AASS: variants seen among roughly 807,000 people sequenced by gnomAD.
AASS encodes the protein alpha-aminoadipic semialdehyde synthase, mitochondrial.
In AASS, 86 loss-of-function variants were observed where a neutral mutation model predicts 105.4. That is an observed-to-expected ratio of 0.82 (90% CI 0.69 to 0.98). The LOEUF (loss-of-function observed/expected upper bound fraction) is 0.98, where lower values mean the gene tolerates loss of function less well. Among genes scored for constraint, AASS ranks in the 50% least tolerant of loss-of-function variants. The pLI is 0.00. For synonymous variants in AASS, 381 were observed against 394.8 expected (o/e 0.96, Z 0.41); for missense variants, 1,048 against 1,143.2 (o/e 0.92, Z 1.20).
In AASS at chr7:122,118,579, T is replaced by C. The variant is rs1209059524; in HGVS notation, c.524A>G (p.His175Arg). 2 of 1,614,152 alleles carry C rather than the reference T, an allele frequency of 1.2e-6. No individual in the cohort carries two copies. The highest frequency in any genetic ancestry group is 1.7e-6 in the Non-Finnish European group (2 of 1,180,004). ...GMGLRLLALG[H>R]HTPFMHIGMA... ...ATCTCTTACCATAAAAGGTGTGTGA[T>C]GTCCCAAAGCAAGGAGCCTTAAACC... Residue 175 changes from histidine (H) to arginine (R), a missense_variant, in exon 5 of 24, where the codon CAT becomes CGT. Physicochemically the swap from His to Arg is conservative, Grantham distance 29. Transcript: ENST00000417368.
intron 23 of AASS, among the ~76,000 whole-genome samples, chr7:122,076,877 G>C (rs965375885): frequency 6.6e-6 from 1 of 152,166 alleles, no homozygotes; most frequent in African/African-American, 2.4e-5. Flanking sequence ...ATTTCTGCCA[G>C]GACAATCAGA....
intron 2 of AASS, among the ~76,000 whole-genome samples, chr7:122,130,409 C>T (rs1795855759): frequency 6.6e-6 from 1 of 151,934 alleles, no homozygotes; most frequent in Admixed American, 6.6e-5. Flanking sequence ...GTCATCATGG[C>T]TAATACAAGA....
intron 18 of AASS, among the ~76,000 whole-genome samples, chr7:122,087,392 T>C (rs1227519847): frequency 3.3e-5 from 5 of 152,214 alleles, no homozygotes; most frequent in African/African-American, 1.2e-4. Flanking sequence ...AAGCACCATT[T>C]AAAATTTCAA....
rs550262559 is a variant in AASS, at chr7:122,094,828, G to A, written c.1656-1670C>T. Among the ~76,000 whole-genome samples the A allele has an allele frequency of 1.6e-4, 25 of 151,826 alleles. No individual in the cohort carries two copies. The South Asian group carries it at 4.8e-3, about 29-fold the overall frequency. On this transcript the variant is annotated intron_variant, in intron 15 of 23. Coordinates refer to ENST00000417368, the MANE Select transcript of AASS (RefSeq NM_005763.4). ...CCATGAAAGCCTATCTCCTCCTTGG[G>A]CCCTTCTTGGAGTCTACTCAATAAT... is the stretch of plus-strand genomic sequence containing the variant.
chr7:122,116,715 A>AGAT lies in AASS; in HGVS notation c.809_811dup (p.His270dup). On this transcript the variant is annotated inframe_insertion, in exon 8 of 24. Transcript: ENST00000417368. ...ATACACAGCATCTGTTTTCCTGACA[A>AGAT]GATGATGATGACGACTTAACACCGT... The AGAT allele has an allele frequency of 6.2e-7, 1 of 1,614,130 alleles. No homozygotes were observed. Among genetic ancestry groups the AGAT allele is most frequent in the Non-Finnish European group, 8.5e-7 (1 of 1,180,006 alleles).
At chr7:122,142,102 T>C (rs182357826) in intron 1 of AASS, among the ~76,000 whole-genome samples, 1 of 152,290 alleles carries the variant, frequency 6.6e-6, no homozygotes, top group Admixed American at 6.5e-5. Context: ...AAAGGAATAC[T>C]GGTTTCTCTC....
At position 122,132,566 on chromosome 7, in the gene AASS, C is replaced by T. The variant is rs1396088450; in HGVS notation, c.210+951G>A. Among the ~76,000 whole-genome samples, 4 of 152,304 alleles carry T rather than the reference C, an allele frequency of 2.6e-5. No individual in the cohort carries two copies. The East Asian group carries it at 5.8e-4, about 22-fold the overall frequency. On this transcript the variant is annotated intron_variant, in intron 2 of 23. Transcript: ENST00000417368. ...CAATGAAGAGCTCTCACTGTAACCACCTCAACCAAGTGACCACACATTGCC... is the reference window on the plus strand; with the variant it reads ...CAATGAAGAGCTCTCACTGTAACCATCTCAACCAAGTGACCACACATTGCC...
At chr7:122,100,639 T>A (rs1794382426) in intron 13 of AASS, among the ~76,000 whole-genome samples, 1 of 151,738 alleles carries the variant, frequency 6.6e-6, no homozygotes, top group Non-Finnish European at 1.5e-5. Flanking sequence ...AGTACATGGG[T>A]TCCTTTTTTA....
intron 3 of AASS, among the ~76,000 whole-genome samples, chr7:122,126,693 C>T (rs1795672287): frequency 6.6e-6 from 1 of 152,162 alleles, no homozygotes; most frequent in African/African-American, 2.4e-5. Flanking sequence ...CTATACCCCC[C>T]TTGATGGTAA....
chr7:122,118,317 T>C lies in AASS; in HGVS notation c.677A>G (p.Asn226Ser), dbSNP rs1795284129. ...TCAGGTAAAAGTTACCTTAGAAACA[T>C]TACCAGTTCCTGTGAACACAAATGT... ...PLTFVFTGTG[N>S]VSKGAQAIFN... The change falls in exon 6 of 24, where the codon AAT (asparagine) becomes AGT (serine). Residue 226 changes from asparagine (N) to serine (S), a missense_variant. Coordinates refer to ENST00000417368, the MANE Select transcript of AASS (RefSeq NM_005763.4). 2 of 1,613,964 alleles carry C rather than the reference T, an allele frequency of 1.2e-6. No homozygotes were observed. The highest frequency in any genetic ancestry group is 1.7e-6 in the Non-Finnish European group (2 of 1,180,020).
intron 4 of AASS, among the ~76,000 whole-genome samples, chr7:122,125,931 T>C (rs1381459740): frequency 6.6e-6 from 1 of 152,236 alleles, no homozygotes; most frequent in African/African-American, 2.4e-5. Flanking sequence ...TTATTAGACC[T>C]GCAAGTAGTC....
chr7:122,119,494 C>G (rs1201318750), intron 4 of AASS, among the ~76,000 whole-genome samples: 1 of 152,262 alleles, frequency 6.6e-6, no homozygotes, highest in East Asian at 1.9e-4. Context: ...CAGCAAAGAC[C>G]TGAGCATCCA....
intron 11 of AASS, 57 bp from the exon 12 acceptor site, chr7:122,101,737 G>A: frequency 7.9e-7 from 1 of 1,264,404 alleles, no homozygotes; most frequent in Non-Finnish European, 1.2e-6. Context: ...AGGCCTCTTG[G>A]TGTTTGTATC....
At position 122,086,122 on chromosome 7, in the gene AASS, A is replaced by T. The variant is rs554016813; in HGVS notation, c.2074T>A (p.Phe692Ile). Reference protein sequence around the residue: ...FLDAVTSMDFFPGLNLEGYPN... With the variant: ...FLDAVTSMDFIPGLNLEGYPN... The stretch of plus-strand genomic sequence containing the variant: ...TAGCCTTCCAAATTTAATCCTGGAA[A>T]AAAATCCATGGACGTAACGGCATCA... The change falls in exon 19 of 24, where the codon TTT becomes ATT. Residue 692 changes from phenylalanine to isoleucine, a missense_variant. By Grantham distance (21) the Phe-to-Ile change is conservative. Transcript: ENST00000417368. 1 of 1,613,622 alleles carries T rather than the reference A, an allele frequency of 6.2e-7. No homozygotes were observed. Among genetic ancestry groups the T allele is most frequent in the African/African-American group, 1.3e-5 (1 of 74,978 alleles).
intron 4 of AASS, among the ~76,000 whole-genome samples, chr7:122,126,164 C>A (rs900518528): frequency 3.3e-5 from 5 of 152,196 alleles, no homozygotes; most frequent in African/African-American, 1.2e-4. Context: ...CTTCTCCCTG[C>A]TTTTTCCTTT....
chr7:122,079,504 A>C (rs1474793068), intron 21 of AASS, 93 bp downstream of exon 21: 2 of 1,156,266 alleles, frequency 1.7e-6, no homozygotes, highest in Non-Finnish European at 2.6e-6. Flanking sequence ...GAATTAATCA[A>C]AGACAAATGT....
intron 19 of AASS, among the ~76,000 whole-genome samples, chr7:122,083,225 C>T (rs1337816383): frequency 6.6e-6 from 1 of 152,124 alleles, no homozygotes; most frequent in Non-Finnish European, 1.5e-5. Context: ...AAAAAGAATT[C>T]TCATTTGCTC....
chr7:122,085,873 A>G (rs752025041), intron 19 of AASS, 139 bp downstream of exon 19: 215 of 943,634 alleles, frequency 2.3e-4, no homozygotes, highest in Non-Finnish European at 3.3e-4. Flanking sequence ...AAAATATTCA[A>G]TCAATCATAA....
intron 18 of AASS, among the ~76,000 whole-genome samples, chr7:122,086,719 T>C (rs1190569985): frequency 6.6e-6 from 1 of 152,170 alleles, no homozygotes; most frequent in African/African-American, 2.4e-5. Flanking sequence ...TTTACTTTCA[T>C]GAGCCTTCTA....
Sources: gnomAD v4.1 joint callset for allele counts (sites outside exome capture counted in the v4.1 genomes callset) on GRCh38, gnomAD v4.1.1 for gene constraint, MANE v1.5 for transcripts, NCBI Gene and HGNC (gene_info 2026-07-23, HGNC 2026-07-21) for gene names.